PLEKHN1: variants seen among roughly 807,000 people sequenced by gnomAD.
PLEKHN1 encodes the protein pleckstrin homology domain-containing family N member 1.
In PLEKHN1, 68 loss-of-function variants were observed where a neutral mutation model predicts 72.8. The ratio of observed to expected loss-of-function variants is 0.93; its 90% confidence interval spans 0.77 to 1.14. PLEKHN1 has a LOEUF of 1.14. Among genes scored for constraint, PLEKHN1 ranks in the 50% most tolerant of loss-of-function variants. The pLI, the probability that PLEKHN1 is intolerant of heterozygous loss-of-function variation, is 0.00. For synonymous variants in PLEKHN1, 454 were observed against 371.6 expected (o/e 1.22, Z -2.55); for missense variants, 1,015 against 840.5 (o/e 1.21, Z -2.57).
chr1:972,577 C>T (rs986614861), intron 10 of PLEKHN1, among the ~76,000 whole-genome samples, 153 bp downstream of exon 10: 6 of 152,130 alleles, frequency 3.9e-5, no homozygotes, highest in African/African-American at 1.4e-4. Flanking sequence ...ATCAGCCTGA[C>T]CGACGTGGAG....
At chr1:974,179 G>A (rs1570053522) in intron 14 of PLEKHN1, 128 bp downstream of exon 14, 11 of 1,494,980 alleles carry the variant, frequency 7.4e-6, no homozygotes, top group Middle Eastern at 2.3e-4. Flanking sequence ...GAGGCCAGGG[G>A]GGCCAGTAGG....
At chr1:967,581 GCCTGC>G (rs1557642616) in intron 2 of PLEKHN1, among the ~76,000 whole-genome samples, 1 of 152,112 alleles carries the variant, frequency 6.6e-6, no homozygotes, top group African/African-American at 2.4e-5. Flanking sequence ...GGGAGAGGAC[GCCTGC>G]CCTGCACTCC....
chr1:968,354 A>T (rs753127524), intron 2 of PLEKHN1, among the ~76,000 whole-genome samples: 9 of 152,216 alleles, frequency 5.9e-5, no homozygotes, highest in Non-Finnish European at 1.0e-4. Flanking sequence ...CCTGTGGATC[A>T]CAGAGGTCTC....
Position 974,941 on chromosome 1 carries a change from G to A in PLEKHN1, c.*366G>A, listed in dbSNP as rs1163293698. 1 of 290,582 alleles carries A rather than the reference G, an allele frequency of 3.4e-6. No individual in the cohort carries two copies. The highest frequency in any genetic ancestry group is 6.6e-6 in the Non-Finnish European group (1 of 150,756). The allele number at this position is 290,582 out of a possible 1,614,324, so 18.0% of individuals were successfully genotyped here. On this transcript the variant is annotated 3_prime_UTR_variant, in exon 16 of 16. Coordinates refer to ENST00000379410, the MANE Select transcript of PLEKHN1 (RefSeq NM_032129.3). ...GTCGGAGGACAGAGAAAGGTCAGCAGGGTCAGAGTATGTGAGGTCAGAGGG... is the reference window on the plus strand; with the variant it reads ...GTCGGAGGACAGAGAAAGGTCAGCAAGGTCAGAGTATGTGAGGTCAGAGGG...
rs1228973285 is a variant in PLEKHN1, at chr1:972,124, A to T, written c.839A>T (p.Lys280Met). 1 of 1,613,150 alleles carries T rather than the reference A, an allele frequency of 6.2e-7. No homozygotes were observed. Among genetic ancestry groups the T allele is most frequent in the East Asian group, 2.2e-5 (1 of 44,878 alleles). The stretch of plus-strand genomic sequence containing the variant: ...CACATCAACCTGGAGGAGAAGGAGA[A>T]GCAGATCCGCTCCTTCCTGATTGAA... ...AVHINLEEKE[K>M]QIRSFLIEGP... is the part of the protein sequence containing the mutation. The change falls in exon 9 of 16, where the codon AAG (lysine) becomes ATG (methionine). Residue 280 changes from lysine (K) to methionine (M), a missense_variant. Physicochemically the swap from Lys to Met is moderately conservative, Grantham distance 95 (BLOSUM62 -1). Coordinates refer to ENST00000379410, the MANE Select transcript of PLEKHN1 (RefSeq NM_032129.3).
At chr1:971,738 C>T (rs977952640) in intron 8 of PLEKHN1, among the ~76,000 whole-genome samples, 6 of 152,166 alleles carry the variant, frequency 3.9e-5, no homozygotes, top group Admixed American at 3.3e-4. Flanking sequence ...GGGCGGGCTC[C>T]GGGAAGGGGG....
Position 973,254 on chromosome 1 carries a change from C to G in PLEKHN1, c.1221C>G (p.Ser407Arg). 1.3e-6 allele frequency: 2 copies of G among 1,543,186 alleles called. No individual in the cohort carries two copies. Residue 407 changes from serine (S) to arginine (R), a missense_variant, in exon 12 of 16, where the codon AGC (serine) becomes AGG (arginine). By Grantham distance (110) the Ser-to-Arg change is moderately radical. Coordinates refer to ENST00000379410, the MANE Select transcript of PLEKHN1 (RefSeq NM_032129.3). ...RRTELRRSGS[S>R]RSPGSKARAE... ...CCGAGCTGAGACGCAGTGGCAGCAG[C>G]CGGTCACCCGGGAGCAAGGCCCGGG...
Position 970,230 on chromosome 1 carries a change from T to TGGGGGGCCCA in PLEKHN1, c.184-42_184-33dup, listed in dbSNP as rs1557645449. ...GCTGTGTGGATGCGAGCGGAGGGGG[T>TGGGGGGCCCA]GGGGGGCCCAGGGGAGGCCCCCTCC... On this transcript the variant is annotated intron_variant, in intron 2 of 15. Coordinates refer to ENST00000379410, the MANE Select transcript of PLEKHN1 (RefSeq NM_032129.3). This position sits in a 1 kb window ranked among gnomAD's most constrained non-coding sequence, Gnocchi z 4.2. 3 of 1,531,724 alleles carry TGGGGGGCCCA rather than the reference T, an allele frequency of 2.0e-6. No homozygotes were observed. The highest frequency in any genetic ancestry group is 1.7e-4 in the Middle Eastern group (1 of 5,776). 94.9% of individuals were successfully genotyped at this position (1,531,724 alleles called of 1,614,324 possible).
intron 2 of PLEKHN1, among the ~76,000 whole-genome samples, chr1:969,853 G>C (rs988959067): frequency 6.6e-6 from 1 of 152,150 alleles, no homozygotes. Context: ...TGCACGTATC[G>C]GGTGTGTGTG....
chr1:972,557 G>A, intron 10 of PLEKHN1, 133 bp downstream of exon 10: 1 of 1,204,340 alleles, frequency 8.3e-7, no homozygotes, highest in Middle Eastern at 2.9e-4. Flanking sequence ...TTTGAGGTCA[G>A]GGGTTCGAGA....
Position 974,587 on chromosome 1 carries a change from A to C in PLEKHN1, c.*12A>C. On this transcript the variant is annotated 3_prime_UTR_variant, in exon 16 of 16. Transcript: ENST00000379410. ...TGCAGTGGATCTGATGGCCGCGGTG[A>C]GGTGGGTTCTCAGGACCACCCTCGC... 1 of 1,606,480 alleles carries C rather than the reference A, an allele frequency of 6.2e-7. No homozygotes were observed. Among genetic ancestry groups the C allele is most frequent in the African/African-American group, 1.3e-5 (1 of 74,924 alleles).
At chr1:973,773 G>A in intron 13 of PLEKHN1, 60 bp from the exon 14 acceptor site, 7 of 1,576,326 alleles carry the variant, frequency 4.4e-6, no homozygotes, top group East Asian at 2.2e-5. Context: ...TCTGATGGGA[G>A]GTTGAGGTTC....
In PLEKHN1 at chr1:973,620, G is replaced by A; in HGVS notation, c.1414G>A (p.Asp472Asn). 6.2e-7 allele frequency: 1 copy of A among 1,613,018 alleles called. No homozygotes were observed. Among genetic ancestry groups the A allele is most frequent in the Non-Finnish European group, 8.5e-7 (1 of 1,179,970 alleles). ...PPATSHRRVT[D>N]VRGLEEFLSA... is the part of the protein sequence containing the mutation. ...CGCCACCTCCCACCGCAGGGTCACAGATGTCCGGGGCCTGGAGGAGGTCAG... is the reference window on the plus strand; with the variant it reads ...CGCCACCTCCCACCGCAGGGTCACAAATGTCCGGGGCCTGGAGGAGGTCAG... The change falls in exon 13 of 16, where the codon GAT becomes AAT. Residue 472 changes from aspartate to asparagine, a missense_variant. Coordinates refer to ENST00000379410, the MANE Select transcript of PLEKHN1 (RefSeq NM_032129.3).
In PLEKHN1 at chr1:970,089, G is replaced by A. The variant is rs1164361222; in HGVS notation, c.184-188G>A. Among the ~76,000 whole-genome samples the A allele has an allele frequency of 6.7e-6, 1 of 149,224 alleles. No homozygotes were observed. The highest frequency in any genetic ancestry group is 1.5e-5 in the Non-Finnish European group (1 of 66,942). On this transcript the variant is annotated intron_variant, in intron 2 of 15. Coordinates refer to ENST00000379410, the MANE Select transcript of PLEKHN1 (RefSeq NM_032129.3). The surrounding 1 kb of genome is among the most constrained non-coding windows in gnomAD (Gnocchi z 4.2). ...GTGCACAGGTTCTGTGCCTGTGGGG[G>A]GCTGTTCTTCACGTATGTGTTGTGT...
At chr1:969,876 C>T (rs1353328243) in intron 2 of PLEKHN1, among the ~76,000 whole-genome samples, 1 of 151,526 alleles carries the variant, frequency 6.6e-6, no homozygotes, top group African/African-American at 2.4e-5. Context: ...TGTACGTGTA[C>T]ACGAATATGC....
Position 971,571 on chromosome 1 carries a change from G to C in PLEKHN1, c.789+167G>C. The C allele has an allele frequency of 6.0e-6, 4 of 665,742 alleles. No individual in the cohort carries two copies. The South Asian group carries it at 7.1e-5, about 12-fold the overall frequency. The allele number at this position is 665,742 out of a possible 1,614,324, so 41.2% of individuals were successfully genotyped here. ...TCAGTCTGGTCTCCGCTGTGACATG[G>C]AGGAGCCCCTGCCCGCCCTGAGGTT... On this transcript the variant is annotated intron_variant, in intron 8 of 15. Coordinates refer to ENST00000379410, the MANE Select transcript of PLEKHN1 (RefSeq NM_032129.3).
Position 974,067 on chromosome 1 carries a change from C to T in PLEKHN1, c.1653+16C>T. ...CCCTCAGCTTGTGAGTAGCAGCCCC[C>T]ACGCCCGTGTGCCCCGGGCTCCGGG... On this transcript the variant is annotated intron_variant, in intron 14 of 15. Coordinates refer to ENST00000379410, the MANE Select transcript of PLEKHN1 (RefSeq NM_032129.3). 1.9e-6 allele frequency: 3 copies of T among 1,562,596 alleles called. No individual in the cohort carries two copies. The highest frequency in any genetic ancestry group is 2.4e-5 in the East Asian group (1 of 42,166).
At chr1:969,061 A>C (rs1428908019) in intron 2 of PLEKHN1, among the ~76,000 whole-genome samples, 1 of 152,234 alleles carries the variant, frequency 6.6e-6, no homozygotes, top group Non-Finnish European at 1.5e-5. Flanking sequence ...GGCAAACGTT[A>C]CAAATCAGGG....
intron 10 of PLEKHN1, among the ~76,000 whole-genome samples, 185 bp from the exon 11 acceptor site, chr1:972,676 G>A (rs921073023): frequency 6.6e-6 from 1 of 152,192 alleles, no homozygotes; most frequent in African/African-American, 2.4e-5. Context: ...GCTGAGGCAG[G>A]AGAATCGCTT....
Sources: gnomAD v4.1 joint callset for allele counts (sites outside exome capture counted in the v4.1 genomes callset) on GRCh38, gnomAD v4.1.1 for gene constraint, Gnocchi (gnomAD v3.1) non-coding constraint, MANE v1.5 for transcripts, NCBI Gene and HGNC (gene_info 2026-07-23, HGNC 2026-07-21) for gene names.